Variants in CPA6 observed in about 807,000 individuals in gnomAD.
The protein encoded by CPA6 is carboxypeptidase A6.
A neutral mutation model predicts 63.3 loss-of-function variants in CPA6; 58 were observed. The observed-to-expected ratio is 0.92, with a 90% CI of 0.74 to 1.14. The LOEUF is 1.14. Among genes scored for constraint, CPA6 ranks in the 50% most tolerant of loss-of-function variants. CPA6 has a pLI of 0.00. For missense variants in CPA6, 565 were observed against 526.6 expected (o/e 1.07, Z -0.71); for synonymous variants, 185 against 179.0 (o/e 1.03, Z -0.27).
intron 4 of CPA6, 50 bp from the exon 5 acceptor site, chr8:67,509,668 G>A (rs753560238): frequency 3.3e-6 from 3 of 897,882 alleles, no homozygotes; most frequent in Non-Finnish European, 5.2e-6. Flanking sequence ...AAATAATGGA[G>A]CTTTTAGAGA....
At chr8:67,547,980 A>G (rs994852698) in intron 2 of CPA6, among the ~76,000 whole-genome samples, 2 of 152,214 alleles carry the variant, frequency 1.3e-5, no homozygotes. Context: ...TCCTTGTATT[A>G]TATATTCTAT....
intron 1 of CPA6, among the ~76,000 whole-genome samples, chr8:67,632,010 C>T (rs1223140044): frequency 1.3e-5 from 2 of 152,158 alleles, no homozygotes; most frequent in African/African-American, 4.8e-5. Flanking sequence ...CGCGAGGGTC[C>T]GTGGCTTCAT....
intron 1 of CPA6, among the ~76,000 whole-genome samples, chr8:67,688,840 C>G (rs1193061283): frequency 2.0e-5 from 3 of 152,016 alleles, no homozygotes; most frequent in African/African-American, 7.2e-5. Context: ...TGCACATTGA[C>G]AAAAACAAAT....
At chr8:67,608,757 C>T (rs1443808767) in intron 2 of CPA6, among the ~76,000 whole-genome samples, 1 of 152,222 alleles carries the variant, frequency 6.6e-6, no homozygotes. Flanking sequence ...CCTGCATTCT[C>T]TCCTTCCTGT....
chr8:67,573,891 CAAAAAA>C (rs34145304), intron 2 of CPA6, among the ~76,000 whole-genome samples: 1 of 33,486 alleles, frequency 3.0e-5, no homozygotes, highest in Non-Finnish European at 5.9e-5. Context: ...GACTCCGTCT[CAAAAAA>C]AAAAAAAAAA....
intron 1 of CPA6, among the ~76,000 whole-genome samples, chr8:67,703,950 T>G (rs1422304930): frequency 6.6e-6 from 1 of 152,172 alleles, no homozygotes; most frequent in Non-Finnish European, 1.5e-5. Context: ...TGTTGTTGTT[T>G]TTGTTTTGTT....
intron 8 of CPA6, among the ~76,000 whole-genome samples, chr8:67,472,885 AAAC>A (rs1437913338): frequency 1.3e-5 from 2 of 152,250 alleles, no homozygotes; most frequent in African/African-American, 2.4e-5. Flanking sequence ...CAGAGAAATA[AAAC>A]AACAATATAG....
chr8:67,600,809 AAAG>A (rs1415761962), intron 2 of CPA6, among the ~76,000 whole-genome samples: 1 of 152,198 alleles, frequency 6.6e-6, no homozygotes, highest in African/African-American at 2.4e-5. Flanking sequence ...ATGTTTTCTC[AAAG>A]AACCTCATTT....
In CPA6 at chr8:67,746,348, AAGCAGCAGC is replaced by A. The variant is rs144013159; in HGVS notation, c.-228_-220del. On this transcript the variant is annotated 5_prime_UTR_variant, in exon 1 of 11. Coordinates refer to ENST00000297770, the MANE Select transcript of CPA6 (RefSeq NM_020361.5). Reference sequence around the variant, plus strand: ...TGCTATTACGACTTGGTCTTGGGACAAGCAGCAGCAGCAGCAGCAGCAGCTGAGCCTGAT... The same window carrying A: ...TGCTATTACGACTTGGTCTTGGGACAAGCAGCAGCAGCAGCTGAGCCTGAT... The A allele has an allele frequency of 7.4e-6, 3 of 403,834 alleles. No homozygotes were observed. The highest frequency in any genetic ancestry group is 1.4e-5 in the Non-Finnish European group (3 of 221,030). The allele number at this position is 403,834 out of a possible 1,614,324, so 25.0% of individuals were successfully genotyped here.
chr8:67,616,917 A>G (rs1222089312), intron 2 of CPA6, among the ~76,000 whole-genome samples: 3 of 152,132 alleles, frequency 2.0e-5, no homozygotes, highest in East Asian at 1.9e-4. Flanking sequence ...CAGGTACATG[A>G]AAGAGCCCAG....
At chr8:67,589,845 T>C (rs1026633479) in intron 2 of CPA6, among the ~76,000 whole-genome samples, 10 of 151,940 alleles carry the variant, frequency 6.6e-5, no homozygotes, top group Non-Finnish European at 4.4e-5. Flanking sequence ...AGCAATTGCT[T>C]TTTTGTGTGT....
At chr8:67,489,110 C>CT (rs1051883900) in intron 6 of CPA6, among the ~76,000 whole-genome samples, 53 of 148,870 alleles carry the variant, frequency 3.6e-4, no homozygotes, top group African/African-American at 1.3e-3. Flanking sequence ...TGTTTTTTTT[C>CT]TTTTTTTCTT....
intron 8 of CPA6, among the ~76,000 whole-genome samples, chr8:67,445,201 T>C (rs1810384289): frequency 6.6e-6 from 1 of 151,556 alleles, no homozygotes; most frequent in South Asian, 2.1e-4. Flanking sequence ...AGAGGTAACC[T>C]TGGGGATAAG....
chr8:67,462,046 A>AT (rs34190277), intron 8 of CPA6, among the ~76,000 whole-genome samples: 3 of 150,904 alleles, frequency 2.0e-5, no homozygotes, highest in African/African-American at 4.9e-5. Context: ...TGTTTAAAAT[A>AT]TTTTTTTGAA....
chr8:67,695,168 T>C (rs1022283549), intron 1 of CPA6, among the ~76,000 whole-genome samples: 23 of 152,110 alleles, frequency 1.5e-4, no homozygotes, highest in Admixed American at 1.4e-3. Context: ...TGCCACTCAG[T>C]CTCTTTCCCT....
chr8:67,516,164 C>G (rs1812140968), intron 3 of CPA6, among the ~76,000 whole-genome samples: 1 of 152,154 alleles, frequency 6.6e-6, no homozygotes, highest in Non-Finnish European at 1.5e-5. Context: ...TGTTCATACC[C>G]CAGTTTTTCT....
intron 8 of CPA6, among the ~76,000 whole-genome samples, chr8:67,459,147 T>A (rs745468326): frequency 2.6e-5 from 4 of 152,186 alleles, no homozygotes; most frequent in Non-Finnish European, 5.9e-5. Context: ...AAAATTTTTA[T>A]CTATTTATTT....
intron 1 of CPA6, among the ~76,000 whole-genome samples, chr8:67,714,628 T>C (rs994911810): frequency 2.6e-5 from 4 of 152,252 alleles, no homozygotes; most frequent in Admixed American, 2.6e-4. Context: ...TCAGCCATGA[T>C]AGCACCACTG....
intron 2 of CPA6, among the ~76,000 whole-genome samples, chr8:67,601,247 G>A (rs893429587): frequency 2.0e-5 from 3 of 152,106 alleles, no homozygotes; most frequent in Non-Finnish European, 4.4e-5. Context: ...CTAGCTCAAC[G>A]GTAATATCAC....
Sources: gnomAD v4.1 joint callset for allele counts (sites outside exome capture counted in the v4.1 genomes callset) on GRCh38, gnomAD v4.1.1 for gene constraint, MANE v1.5 for transcripts, NCBI Gene and HGNC (gene_info 2026-07-23, HGNC 2026-07-21) for gene names.